Variants in CFHR4 observed in about 807,000 individuals in gnomAD.
The protein encoded by CFHR4 is complement factor H-related protein 4.
A neutral mutation model predicts 69.3 loss-of-function variants in CFHR4; 64 were observed. The ratio of observed to expected loss-of-function variants is 0.92; its 90% CI spans 0.76 to 1.14. The LOEUF is 1.14. Among genes scored for constraint, CFHR4 ranks in the 50% most tolerant of loss-of-function variants. The pLI, the probability that CFHR4 is intolerant of heterozygous loss-of-function variation, is 0.00. For synonymous variants in CFHR4, 244 were observed against 237.0 expected, an observed-to-expected ratio of 1.03 and a Z score of -0.27; for missense variants, 636 against 684.9, an observed-to-expected ratio of 0.93 and a Z score of 0.80.
In CFHR4 at chr1:196,906,914, T is replaced by C. The variant is rs754614145; in HGVS notation, c.493T>C (p.Trp165Arg). The C allele has an allele frequency of 6.8e-6, 11 of 1,610,494 alleles. No homozygotes were observed. Among genetic ancestry groups the C allele is most frequent in the Middle Eastern group, 1.6e-4 (1 of 6,074 alleles). ...ENSRAKSNGM[W>R]FKLHDTLDYE... Reference sequence around the variant, plus strand: ...TTCCAGAGCCAAGAGTAATGGCATGTGGTTTAAGCTCCATGACACATTGGA... The same window carrying C: ...TTCCAGAGCCAAGAGTAATGGCATGCGGTTTAAGCTCCATGACACATTGGA... Residue 165 changes from tryptophan to arginine, a missense_variant, in exon 4 of 10, where the codon TGG (tryptophan) becomes CGG (arginine). Trp to Arg is a moderately radical substitution (Grantham distance 101, BLOSUM62 -3). This residue lies in a region of CFHR4 where 529 missense variants were observed against 533.2 expected (regional missense o/e 0.99). Coordinates refer to ENST00000608469, the MANE Select transcript of CFHR4 (RefSeq NM_001201550.3).
Position 196,918,383 on chromosome 1 carries a change from G to T in CFHR4, c.1714G>T (p.Val572Leu), listed in dbSNP as rs760087128. 6.2e-7 allele frequency: 1 copy of T among 1,611,768 alleles called. No homozygotes were observed. The highest frequency in any genetic ancestry group is 1.7e-5 in the Admixed American group (1 of 59,874). The change falls in exon 10 of 10, where the codon GTG becomes TTG. Residue 572 changes from valine (V) to leucine (L), a missense_variant. Physicochemically the swap from Val to Leu is conservative, Grantham distance 32. Around this residue, in one of 3 missense-constraint regions of CFHR4, gnomAD observed 85 missense variants for 79.0 expected, o/e 1.08. Coordinates refer to ENST00000608469, the MANE Select transcript of CFHR4 (RefSeq NM_001201550.3). ...TCAAGCAGTGTGTAGGGAAGGCATAGTGGAATACCCCAGATGCGAATAAGG... is the reference window on the plus strand; with the variant it reads ...TCAAGCAGTGTGTAGGGAAGGCATATTGGAATACCCCAGATGCGAATAAGG... ...SFQAVCREGI[V>L]EYPRCE
In CFHR4 at chr1:196,907,906, G is replaced by A. The variant is rs1014386611; in HGVS notation, c.799+408G>A. 9.3e-5 allele frequency among the ~76,000 whole-genome samples: 14 copies of A among 151,142 alleles called. 1 individual carries two copies. The highest frequency in any genetic ancestry group is 2.1e-4 in the Non-Finnish European group (14 of 67,906). On this transcript the variant is annotated intron_variant, in intron 5 of 9. Coordinates refer to ENST00000608469, the MANE Select transcript of CFHR4 (RefSeq NM_001201550.3). ...CCATGGATGTGGAACCAACCCAAAT[G>A]TCCAGACCCAAATGACAGACTAGAT...
intron 5 of CFHR4, among the ~76,000 whole-genome samples, 164 bp from the exon 6 acceptor site, chr1:196,910,117 A>G (rs1417580085): frequency 6.7e-6 from 1 of 148,194 alleles, no homozygotes; most frequent in Non-Finnish European, 1.5e-5. Context: ...GCACCACTGC[A>G]CTCCAGCCTG....
chr1:196,909,046 G>A (rs552351634), intron 5 of CFHR4, among the ~76,000 whole-genome samples: 9 of 151,504 alleles, frequency 5.9e-5, no homozygotes, highest in South Asian at 2.1e-4. Flanking sequence ...AGGAAAATTC[G>A]TATCCTCAAA....
intron 1 of CFHR4, among the ~76,000 whole-genome samples, chr1:196,897,600 G>T (rs6691372): frequency 0.087 from 13,158 of 151,324 alleles, 808 homozygotes; most frequent in South Asian, 0.13. Flanking sequence ...TGGGAAGGTG[G>T]TCTTCCCCTG....
chr1:196,907,199 A>G, intron 4 of CFHR4, 117 bp from the exon 5 acceptor site: 2 of 1,222,108 alleles, frequency 1.6e-6, no homozygotes, highest in Non-Finnish European at 1.2e-6. Context: ...GGTTGAAAAT[A>G]CAAATGTCTT....
intron 7 of CFHR4, among the ~76,000 whole-genome samples, chr1:196,913,289 G>A (rs1658383460): frequency 6.6e-6 from 1 of 151,380 alleles, no homozygotes; most frequent in South Asian, 2.1e-4. Context: ...TGCATTCCTT[G>A]CTCACACTCA....
chr1:196,917,230 A>G (rs1658692953), intron 9 of CFHR4, among the ~76,000 whole-genome samples: 1 of 151,906 alleles, frequency 6.6e-6, no homozygotes, highest in African/African-American at 2.4e-5. Flanking sequence ...TACTTGAGTC[A>G]AAAGAAGAGA....
At chr1:196,898,378 G>A (rs1443634847) in intron 1 of CFHR4, among the ~76,000 whole-genome samples, 1 of 151,518 alleles carries the variant, frequency 6.6e-6, no homozygotes, top group African/African-American at 2.4e-5. Context: ...CACAAAAAAA[G>A]GGGAGACAAT....
At chr1:196,889,765 C>A (rs377300907) in intron 1 of CFHR4, among the ~76,000 whole-genome samples, 9 of 146,912 alleles carry the variant, frequency 6.1e-5, no homozygotes, top group African/African-American at 1.7e-4. Context: ...AATGTGACTG[C>A]ATTTGAAGAA....
At chr1:196,890,701 T>C (rs1656977331) in intron 1 of CFHR4, among the ~76,000 whole-genome samples, 2 of 151,466 alleles carry the variant, frequency 1.3e-5, no homozygotes, top group Non-Finnish European at 2.9e-5. Flanking sequence ...TGCATTACAC[T>C]CTGTTGCCAT....
At chr1:196,897,084 T>C (rs560418288) in intron 1 of CFHR4, among the ~76,000 whole-genome samples, 1 of 151,350 alleles carries the variant, frequency 6.6e-6, no homozygotes, top group Non-Finnish European at 1.5e-5. Flanking sequence ...TGAATTCCGA[T>C]GGAAGGGAAC....
rs767113873 is a variant in CFHR4, at chr1:196,918,262, A to C, written c.1593A>C (p.Lys531Asn). The C allele has an allele frequency of 1.2e-6, 2 of 1,607,862 alleles. No individual in the cohort carries two copies. The highest frequency in any genetic ancestry group is 1.7e-6 in the Non-Finnish European group (2 of 1,175,716). ...ENMNKNNIQL[K>N]GKSDIKYYAK... Reference sequence around the variant, plus strand: ...TGAATAAAAATAACATACAGTTAAAAGGAAAAAGTGACATAAAATATTATG... The same window carrying C: ...TGAATAAAAATAACATACAGTTAAACGGAAAAAGTGACATAAAATATTATG... Residue 531 changes from lysine (K) to asparagine (N), a missense_variant, in exon 10 of 10, where the codon AAA becomes AAC. Around this residue, in one of 3 missense-constraint regions of CFHR4, gnomAD observed 85 missense variants for 79.0 expected, o/e 1.08. Coordinates refer to ENST00000608469, the MANE Select transcript of CFHR4 (RefSeq NM_001201550.3).
At chr1:196,897,627 C>A (rs1002131854) in intron 1 of CFHR4, among the ~76,000 whole-genome samples, 4 of 151,472 alleles carry the variant, frequency 2.6e-5, no homozygotes, top group Non-Finnish European at 5.9e-5. Flanking sequence ...GGCCACCCAG[C>A]GGCCAGATTT....
At chr1:196,895,773 A>AT (rs984620377) in intron 1 of CFHR4, among the ~76,000 whole-genome samples, 5 of 150,880 alleles carry the variant, frequency 3.3e-5, no homozygotes, top group African/African-American at 7.3e-5. Flanking sequence ...CTTTCAGTTT[A>AT]TTTTTTTTCT....
At chr1:196,913,747 C>T (rs1344114917) in intron 7 of CFHR4, among the ~76,000 whole-genome samples, 1 of 150,872 alleles carries the variant, frequency 6.6e-6, no homozygotes, top group Non-Finnish European at 1.5e-5. Flanking sequence ...TACAATTCAA[C>T]TATTTTTAGC....
chr1:196,913,342 G>C (rs986446365), intron 7 of CFHR4, among the ~76,000 whole-genome samples: 10 of 151,414 alleles, frequency 6.6e-5, no homozygotes, highest in Non-Finnish European at 1.3e-4. Flanking sequence ...GCTTAATTCT[G>C]AATTTCTGCT....
chr1:196,903,548 G>A (rs1292328516), intron 2 of CFHR4, among the ~76,000 whole-genome samples: 4 of 151,158 alleles, frequency 2.6e-5, no homozygotes, highest in Admixed American at 6.6e-5. Context: ...AGCTACCCAG[G>A]AGGCTGAGGC....
intron 1 of CFHR4, among the ~76,000 whole-genome samples, chr1:196,898,040 T>A (rs1358549110): frequency 6.6e-6 from 1 of 151,530 alleles, no homozygotes; most frequent in Non-Finnish European, 1.5e-5. Context: ...GCCTTCCTTA[T>A]TTGCATTTTT....
Sources: gnomAD v4.1 joint callset for allele counts (sites outside exome capture counted in the v4.1 genomes callset) on GRCh38, gnomAD v4.1.1 for gene constraint, gnomAD v4.1.1 regional missense constraint, MANE v1.5 for transcripts, NCBI Gene and HGNC (gene_info 2026-07-23, HGNC 2026-07-21) for gene names.